CNTNAP5: variants seen among roughly 807,000 people sequenced by gnomAD.
The protein encoded by CNTNAP5 is contactin associated protein family member 5.
Under a neutral mutation model 150.2 loss-of-function variants are expected in CNTNAP5, and 72 were observed. The ratio of observed to expected loss-of-function variants is 0.48; its 90% CI spans 0.40 to 0.58. The LOEUF (loss-of-function observed/expected upper bound fraction) is 0.58, where lower values mean the gene tolerates loss of function less well. Ranked by LOEUF, CNTNAP5 falls within the 20% of genes least tolerant of loss-of-function variation. The probability of loss-of-function intolerance (pLI) is 0.00; values close to 1 mark genes in which losing one functional copy is unlikely to be tolerated. For synonymous variants in CNTNAP5, 672 were observed against 619.8 expected, an observed-to-expected ratio of 1.08 and a Z score of -1.25; for missense variants, 1,636 against 1,626.2, an observed-to-expected ratio of 1.01 and a Z score of -0.10.
intron 6 of CNTNAP5, among the ~76,000 whole-genome samples, chr2:124,449,747 G>A (rs1455872506): frequency 2.0e-5 from 3 of 152,154 alleles, no homozygotes; most frequent in African/African-American, 7.2e-5. Context: ...TCTCCAGATT[G>A]TTCAGCCAGC....
Position 124,918,955 on chromosome 2 carries a change from G to T in CNTNAP5, c.*4667G>T, listed in dbSNP as rs192336640. On this transcript the variant is annotated 3_prime_UTR_variant, in exon 24 of 24. Coordinates refer to ENST00000682447, the MANE Select transcript of CNTNAP5 (RefSeq NM_001367498.1). ...TCTTTAAAATACACATAATGTAATT[G>T]AATTATTTCTATATACTGTTCTTGA... 6.6e-6 allele frequency among the ~76,000 whole-genome samples: 1 copy of T among 152,002 alleles called. No homozygotes were observed.
chr2:124,865,209 C>A, intron 19 of CNTNAP5, 97 bp from the exon 20 acceptor site: 1 of 953,910 alleles, frequency 1.0e-6, no homozygotes, highest in Non-Finnish European at 1.5e-6. Flanking sequence ...GGATTAAGAC[C>A]TGGGGCCCTA....
intron 19 of CNTNAP5, among the ~76,000 whole-genome samples, chr2:124,855,946 G>A (rs1348300146): frequency 1.3e-5 from 2 of 151,990 alleles, no homozygotes; most frequent in African/African-American, 2.4e-5. Context: ...TCCCACTTAT[G>A]AGTGAGAACT....
intron 19 of CNTNAP5, among the ~76,000 whole-genome samples, chr2:124,825,681 G>T (rs1313299521): frequency 6.6e-6 from 1 of 152,170 alleles, no homozygotes; most frequent in Non-Finnish European, 1.5e-5. Context: ...GCCTGGAAGG[G>T]GCTGCTGATC....
chr2:124,167,103 T>C (rs957106687), intron 1 of CNTNAP5, among the ~76,000 whole-genome samples: 4 of 152,212 alleles, frequency 2.6e-5, no homozygotes, highest in Non-Finnish European at 5.9e-5. Context: ...TTCTGTAAAC[T>C]ATGTCTCAGA....
chr2:124,602,062 C>T (rs751278772), intron 11 of CNTNAP5, among the ~76,000 whole-genome samples: 1 of 152,184 alleles, frequency 6.6e-6, no homozygotes, highest in African/African-American at 2.4e-5. Context: ...AAGATAAAAT[C>T]GGCCAGGCGC....
At chr2:124,663,711 C>G (rs1678640213) in intron 13 of CNTNAP5, among the ~76,000 whole-genome samples, 1 of 152,124 alleles carries the variant, frequency 6.6e-6, no homozygotes, top group South Asian at 2.1e-4. Flanking sequence ...AGATTCTCAA[C>G]ATGGAGACAT....
At chr2:124,812,348 T>C (rs1311937033) in intron 19 of CNTNAP5, among the ~76,000 whole-genome samples, 4 of 150,642 alleles carry the variant, frequency 2.7e-5, no homozygotes, top group African/African-American at 4.9e-5. Context: ...AAAATAAAAT[T>C]TGAAGTCCCC....
Position 124,743,382 on chromosome 2 carries a change from C to A in CNTNAP5, c.2078-3847C>A, listed in dbSNP as rs80057891. On this transcript the variant is annotated intron_variant, in intron 13 of 23. Coordinates refer to ENST00000682447, the MANE Select transcript of CNTNAP5 (RefSeq NM_001367498.1). ...AGAAGTCAGAATTTAAATCCCGAAT[C>A]TCGTTTCTAGCTGGGACCCAAGTAT... 7.3e-3 allele frequency among the ~76,000 whole-genome samples: 1,117 copies of A among 152,286 alleles called. 13 individuals are homozygous for A. Among genetic ancestry groups the A allele is most frequent in the African/African-American group, 0.026 (1,078 of 41,564 alleles).
intron 12 of CNTNAP5, among the ~76,000 whole-genome samples, chr2:124,628,495 C>A (rs745753006): frequency 3.3e-5 from 5 of 152,132 alleles, no homozygotes; most frequent in Non-Finnish European, 7.4e-5. Context: ...AAAGTAAAAT[C>A]TTTTTCAGAC....
At chr2:124,766,434 C>T (rs1681070976) in intron 16 of CNTNAP5, among the ~76,000 whole-genome samples, 1 of 151,618 alleles carries the variant, frequency 6.6e-6, no homozygotes, top group African/African-American at 2.4e-5. Flanking sequence ...GAGGAGATGA[C>T]AGAGGTGTTT....
chr2:124,614,983 CAA>C (rs70996082), intron 12 of CNTNAP5, among the ~76,000 whole-genome samples: 185 of 151,874 alleles, frequency 1.2e-3, no homozygotes, highest in African/African-American at 4.1e-3. Flanking sequence ...AGCATTATAT[CAA>C]AAAAAAAAAA....
chr2:124,209,467 T>C lies in CNTNAP5; in HGVS notation c.83-12238T>C, dbSNP rs796312973. Among the ~76,000 whole-genome samples, 3 of 152,184 alleles carry C rather than the reference T, an allele frequency of 2.0e-5. No individual in the cohort carries two copies. The South Asian group carries it at 6.2e-4, about 31-fold the overall frequency. On this transcript the variant is annotated intron_variant, in intron 1 of 23. Transcript: ENST00000682447. ...GTAATGACAAATCTCATCGATATTC[T>C]CTTTAAGTGCTCACAATCTTGAACG... is the stretch of plus-strand genomic sequence containing the variant.
chr2:124,061,428 C>T (rs1682007815), intron 1 of CNTNAP5, among the ~76,000 whole-genome samples: 1 of 152,116 alleles, frequency 6.6e-6, no homozygotes, highest in Non-Finnish European at 1.5e-5. Flanking sequence ...GCTACTCTGA[C>T]CTTAAATCTA....
intron 1 of CNTNAP5, among the ~76,000 whole-genome samples, chr2:124,115,799 T>C (rs1033553172): frequency 6.7e-6 from 1 of 149,382 alleles, no homozygotes; most frequent in African/African-American, 2.5e-5. Flanking sequence ...TAATTGTGTG[T>C]GTGTGTGTGT....
intron 3 of CNTNAP5, among the ~76,000 whole-genome samples, chr2:124,247,343 G>C (rs930000346): frequency 6.6e-6 from 1 of 150,830 alleles, no homozygotes; most frequent in African/African-American, 2.4e-5. Flanking sequence ...CTTAAGCAAT[G>C]GTTTTTCCCA....
At chr2:124,647,419 G>A (rs1380296706) in intron 12 of CNTNAP5, among the ~76,000 whole-genome samples, 1 of 152,120 alleles carries the variant, frequency 6.6e-6, no homozygotes, top group East Asian at 1.9e-4. Flanking sequence ...TATTGGGTGA[G>A]TTGCCTAATT....
chr2:124,161,564 T>C (rs183898287), intron 1 of CNTNAP5, among the ~76,000 whole-genome samples: 1 of 152,308 alleles, frequency 6.6e-6, no homozygotes, highest in Non-Finnish European at 1.5e-5. Context: ...TTTCAAAATG[T>C]ATTAAGTATG....
chr2:124,919,045 C>A lies in CNTNAP5; in HGVS notation c.*4757C>A, dbSNP rs939883422. On this transcript the variant is annotated 3_prime_UTR_variant, in exon 24 of 24. Transcript: ENST00000682447. Reference sequence around the variant, plus strand: ...CTTGTTTGTGGAACCATCTACTCTGCAGATTTTTATTGTCTCTAATTATCA... The same window carrying A: ...CTTGTTTGTGGAACCATCTACTCTGAAGATTTTTATTGTCTCTAATTATCA... Among the ~76,000 whole-genome samples the A allele has an allele frequency of 4.6e-5, 7 of 152,034 alleles. No individual in the cohort carries two copies. The East Asian group carries it at 1.4e-3, about 29-fold the overall frequency.
Sources: gnomAD v4.1 joint callset for allele counts (sites outside exome capture counted in the v4.1 genomes callset) on GRCh38, gnomAD v4.1.1 for gene constraint, MANE v1.5 for transcripts, NCBI Gene and HGNC (gene_info 2026-07-23, HGNC 2026-07-21) for gene names.